The following ASTN2 variants were observed in gnomAD, a reference collection of about 807,000 sequenced individuals.
ASTN2 encodes astrotactin 2.
Under a neutral mutation model 139.8 loss-of-function variants are expected in ASTN2, and 54 were observed. The ratio of observed to expected loss-of-function variants is 0.39; its 90% CI spans 0.31 to 0.48. The LOEUF is 0.48. ASTN2 is among the 20% of genes least tolerant of loss of function. The pLI is 0.95. For missense variants in ASTN2, 1,565 were observed against 1,725.1 expected, an observed-to-expected ratio of 0.91 and a Z score of 1.64; for synonymous variants, 756 against 719.5, an observed-to-expected ratio of 1.05 and a Z score of -0.81.
chr9:117,063,773 G>A (rs1839367792), intron 5 of ASTN2, among the ~76,000 whole-genome samples: 1 of 152,104 alleles, frequency 6.6e-6, no homozygotes, highest in African/African-American at 2.4e-5. Flanking sequence ...TATGCCAAAT[G>A]GTCTTACAAA....
intron 10 of ASTN2, among the ~76,000 whole-genome samples, chr9:116,875,339 T>A (rs1250684922): frequency 6.6e-6 from 1 of 152,214 alleles, no homozygotes. Context: ...AATATTCCCT[T>A]AAACCCAAAC....
chr9:117,310,205 C>T (rs959049711), intron 1 of ASTN2, among the ~76,000 whole-genome samples: 2 of 152,154 alleles, frequency 1.3e-5, no homozygotes, highest in Non-Finnish European at 2.9e-5. Flanking sequence ...AAACACCTTT[C>T]CCTCACTTGT....
intron 6 of ASTN2, among the ~76,000 whole-genome samples, chr9:117,036,911 A>G (rs575640317): frequency 6.6e-6 from 1 of 152,258 alleles, no homozygotes; most frequent in African/African-American, 2.4e-5. Flanking sequence ...TCCTGGGTAC[A>G]TTTTAAAACT....
chr9:117,361,466 A>G (rs1306722357), intron 1 of ASTN2, among the ~76,000 whole-genome samples: 2 of 152,216 alleles, frequency 1.3e-5, no homozygotes, highest in East Asian at 1.9e-4. Flanking sequence ...TAAAGTAAAG[A>G]TACCATCACC....
chr9:116,653,043 A>T (rs1858013202), intron 16 of ASTN2, among the ~76,000 whole-genome samples: 2 of 152,290 alleles, frequency 1.3e-5, no homozygotes, highest in East Asian at 3.9e-4. Context: ...ATCTTATTTA[A>T]GTTCATTTTC....
intron 17 of ASTN2, among the ~76,000 whole-genome samples, chr9:116,651,168 T>G (rs803909): frequency 0.56 from 85,144 of 151,706 alleles, 24,506 homozygotes; most frequent in East Asian, 0.86. Flanking sequence ...CCACCCGCCT[T>G]GGCCTCCCAA....
At chr9:116,489,239 A>G (rs1273290515) in intron 19 of ASTN2, among the ~76,000 whole-genome samples, 1 of 152,168 alleles carries the variant, frequency 6.6e-6, no homozygotes, top group Non-Finnish European at 1.5e-5. Flanking sequence ...GTGCTTCTCT[A>G]CCAAGGAACT....
chr9:116,800,419 A>G (rs1830815021), intron 13 of ASTN2, among the ~76,000 whole-genome samples: 1 of 152,164 alleles, frequency 6.6e-6, no homozygotes, highest in Non-Finnish European at 1.5e-5. Context: ...ATTTTTGCAC[A>G]CAGTGCAAAC....
intron 3 of ASTN2, among the ~76,000 whole-genome samples, chr9:117,155,998 G>A (rs1363778991): frequency 6.6e-6 from 1 of 151,960 alleles, no homozygotes; most frequent in East Asian, 1.9e-4. Flanking sequence ...TAACAGAGCA[G>A]AGTAGGTCCA....
chr9:117,000,516 G>A (rs183462714), intron 7 of ASTN2, among the ~76,000 whole-genome samples: 43 of 152,318 alleles, frequency 2.8e-4, no homozygotes, highest in Non-Finnish European at 4.3e-4. Context: ...AAGCTGTTTC[G>A]CAATAAGACA....
intron 3 of ASTN2, among the ~76,000 whole-genome samples, chr9:117,160,806 G>T (rs1354632141): frequency 6.6e-6 from 1 of 151,986 alleles, no homozygotes; most frequent in Non-Finnish European, 1.5e-5. Context: ...AACTGAACTT[G>T]CACTAACTAG....
At chr9:116,926,181 A>G (rs941471085) in intron 10 of ASTN2, among the ~76,000 whole-genome samples, 14 of 152,152 alleles carry the variant, frequency 9.2e-5, no homozygotes, top group Non-Finnish European at 1.3e-4. Context: ...CCAAGTTCAA[A>G]TACTACAGTG....
rs550792254 is a variant in ASTN2, at chr9:116,790,676, G to T, written c.2396+14956C>A. 1.1e-4 allele frequency among the ~76,000 whole-genome samples: 15 copies of T among 138,282 alleles called. 1 individual carries two copies. The highest frequency in any genetic ancestry group is 4.0e-4 in the African/African-American group (15 of 37,514). The allele number at this position is 138,282 out of a possible 152,430, so 90.7% of individuals were successfully genotyped here. The stretch of plus-strand genomic sequence containing the variant: ...CTGTCTTCTTCTCTTTATCTCCAGA[G>T]ATTTTTTTTTTTTTTTTGAGATGGA... On this transcript the variant is annotated intron_variant, in intron 13 of 22. Transcript: ENST00000313400.
intron 2 of ASTN2, among the ~76,000 whole-genome samples, chr9:117,233,925 A>G (rs1288658898): frequency 3.9e-5 from 6 of 152,184 alleles, no homozygotes; most frequent in African/African-American, 1.4e-4. Flanking sequence ...TGCAAATAAA[A>G]TGCACATTTG....
intron 16 of ASTN2, among the ~76,000 whole-genome samples, chr9:116,718,154 T>C (rs1828365807): frequency 6.6e-6 from 1 of 152,208 alleles, no homozygotes; most frequent in African/African-American, 2.4e-5. Flanking sequence ...CTGAGGCTTC[T>C]TGAAAGGTTT....
chr9:117,028,434 T>A (rs534911746), intron 6 of ASTN2, among the ~76,000 whole-genome samples: 1 of 152,258 alleles, frequency 6.6e-6, no homozygotes, highest in Admixed American at 6.5e-5. Context: ...GGGAGCAGGA[T>A]GCACAGGTGT....
intron 19 of ASTN2, chr9:116,611,368 A>C (rs1034004761): frequency 1.4e-4 from 21 of 152,316 alleles, no homozygotes; most frequent in African/African-American, 4.8e-4. Context: ...ATGCGGAGAA[A>C]ACCAAACTCA....
rs1176817610 is a variant in ASTN2, at chr9:116,819,373, C to T, written c.2207+1244G>A. ...TCGCTATAAATTCAGGTCTGCATAC[C>T]CTAATTTATTTCTTATTTATTTTGC... is the stretch of plus-strand genomic sequence containing the variant. On this transcript the variant is annotated intron_variant, in intron 12 of 22. Coordinates refer to ENST00000313400, the MANE Select transcript of ASTN2 (RefSeq NM_001365068.1). Among the ~76,000 whole-genome samples, 3 of 152,140 alleles carry T rather than the reference C, an allele frequency of 2.0e-5. No individual in the cohort carries two copies. The Middle Eastern group carries it at 0.01, about 517-fold the overall frequency.
At chr9:116,545,497 A>G (rs1350928642) in intron 19 of ASTN2, among the ~76,000 whole-genome samples, 1 of 152,166 alleles carries the variant, frequency 6.6e-6, no homozygotes, top group Admixed American at 6.6e-5. Flanking sequence ...AACCGACGAG[A>G]TTGGGGCTTA....
Sources: gnomAD v4.1 joint callset for allele counts (sites outside exome capture counted in the v4.1 genomes callset) on GRCh38, gnomAD v4.1.1 for gene constraint, MANE v1.5 for transcripts, NCBI Gene and HGNC (gene_info 2026-07-23, HGNC 2026-07-21) for gene names.